PAQR5: variants seen among roughly 807,000 people sequenced by gnomAD.
PAQR5 encodes the protein progestin and adipoQ receptor family member 5.
In PAQR5, 20 loss-of-function variants were observed where a neutral mutation model predicts 34.5. The observed-to-expected ratio is 0.58, with a 90% CI of 0.41 to 0.84. The LOEUF (loss-of-function observed/expected upper bound fraction) is 0.84, where lower values mean the gene tolerates loss of function less well. PAQR5 is among the 40% of genes least tolerant of loss of function. PAQR5 has a pLI of 0.00. For missense variants in PAQR5, 378 were observed against 412.7 expected (o/e 0.92, Z 0.73); for synonymous variants, 131 against 155.6 (o/e 0.84, Z 1.18).
At chr15:69,356,925 C>G (rs2140826108) in intron 2 of PAQR5, among the ~76,000 whole-genome samples, 1 of 152,224 alleles carries the variant, frequency 6.6e-6, no homozygotes, top group Non-Finnish European at 1.5e-5. Flanking sequence ...ATCCCCAATG[C>G]TGAAGGTGGG....
intron 3 of PAQR5, among the ~76,000 whole-genome samples, chr15:69,372,482 G>A (rs528060068): frequency 7.2e-5 from 11 of 152,180 alleles, no homozygotes; most frequent in South Asian, 2.1e-4. Context: ...GATAGAGGTT[G>A]CAGTGAGCCA....
chr15:69,299,331 G>A (rs950524442), intron 1 of PAQR5, among the ~76,000 whole-genome samples: 2 of 152,216 alleles, frequency 1.3e-5, no homozygotes, highest in African/African-American at 2.4e-5. Context: ...GGCGGTGAGG[G>A]GAGCTGTTGC....
chr15:69,376,937 T>C (rs747588988), intron 3 of PAQR5, among the ~76,000 whole-genome samples: 6 of 152,110 alleles, frequency 3.9e-5, no homozygotes, highest in Admixed American at 1.3e-4. Flanking sequence ...TCCTCTAGCT[T>C]CTGTCCAGCC....
intron 1 of PAQR5, among the ~76,000 whole-genome samples, chr15:69,301,995 T>C (rs1402307998): frequency 1.3e-5 from 2 of 150,150 alleles, no homozygotes; most frequent in African/African-American, 4.9e-5. Context: ...GGTAGGTTTG[T>C]GCATGGGCTT....
Position 69,382,659 on chromosome 15 carries a change from CATAT to C in PAQR5, c.180-1975_180-1972del, listed in dbSNP as rs59064870. ...ACTCTGTCTCAAAAAAAAAAAAAAG[CATAT>C]ATATATATATATATATATATATATA... On this transcript the variant is annotated intron_variant, in intron 4 of 8. Transcript: ENST00000395407. Among the ~76,000 whole-genome samples the C allele has an allele frequency of 4.8e-3, 441 of 91,138 alleles. 4 individuals are homozygous for C. Among genetic ancestry groups the C allele is most frequent in the African/African-American group, 9.1e-3 (185 of 20,376 alleles). The allele number at this position is 91,138 out of a possible 152,430, so 59.8% of individuals were successfully genotyped here.
At chr15:69,391,624 G>T (rs1241169693) in intron 6 of PAQR5, 1 of 455,978 alleles carries the variant, frequency 2.2e-6, no homozygotes, top group East Asian at 7.0e-5. Flanking sequence ...CCTGGTCCTT[G>T]GACCAGTCAC....
intron 2 of PAQR5, among the ~76,000 whole-genome samples, chr15:69,350,243 C>T (rs2054880559): frequency 6.6e-6 from 1 of 152,212 alleles, no homozygotes; most frequent in Non-Finnish European, 1.5e-5. Flanking sequence ...TCGTGCAGAT[C>T]TATGGCATTG....
intron 6 of PAQR5, chr15:69,391,758 G>T (rs1345931014): frequency 2.2e-6 from 1 of 451,244 alleles, no homozygotes; most frequent in Non-Finnish European, 4.5e-6. Context: ...GAGTGTGGAA[G>T]AAAGTCTCCA....
rs916040969 is a variant in PAQR5 at position 69,314,207 on chromosome 15, G to GA, written c.-277+15162dup. 6.2e-3 allele frequency among the ~76,000 whole-genome samples: 900 copies of GA among 145,720 alleles called. 15 individuals carry two copies. The highest frequency in any genetic ancestry group is 0.021 in the African/African-American group (826 of 39,846). ...AATCATTTTTTACAAATTGTAAGTG[G>GA]AAAAAAAAAAAGGAAATTGTGTGCA... On this transcript the variant is annotated intron_variant, in intron 1 of 8. Transcript: ENST00000395407.
Position 69,399,421 on chromosome 15 carries a change from C to T in PAQR5, c.610-553C>T, listed in dbSNP as rs115922457. Among the ~76,000 whole-genome samples the T allele has an allele frequency of 7.6e-3, 1,155 of 152,310 alleles. 21 individuals carry two copies. The highest frequency in any genetic ancestry group is 0.026 in the African/African-American group (1,077 of 41,558). ...ATTGTAAGAATACAATATATAATAC[C>T]TACACAAAATATGTGTTACTTGGCA... On this transcript the variant is annotated intron_variant, in intron 7 of 8. Coordinates refer to ENST00000395407, the MANE Select transcript of PAQR5 (RefSeq NM_017705.4).
intron 2 of PAQR5, among the ~76,000 whole-genome samples, chr15:69,355,345 TTTCTTTCTTTCTTTC>T (rs2055043632): frequency 4.2e-5 from 1 of 23,904 alleles, no homozygotes; most frequent in African/African-American, 1.3e-4. Flanking sequence ...TCTTTCTTTT[TTTCTTTCTTTCTTTC>T]TTTCTTTCTT....
At position 69,371,744 on chromosome 15, in the gene PAQR5, T is replaced by A. The variant is rs138104107; in HGVS notation, c.52-8139T>A. 5.0e-3 allele frequency among the ~76,000 whole-genome samples: 755 copies of A among 152,320 alleles called. 7 individuals are homozygous for A. Among genetic ancestry groups the A allele is most frequent in the African/African-American group, 0.018 (732 of 41,578 alleles). On this transcript the variant is annotated intron_variant, in intron 3 of 8. Coordinates refer to ENST00000395407, the MANE Select transcript of PAQR5 (RefSeq NM_017705.4). ...CGACTCCTTTGGTTTAGAAAAGTCCTATACATATTTAAAATAATAAATACG... is the reference window on the plus strand; with the variant it reads ...CGACTCCTTTGGTTTAGAAAAGTCCAATACATATTTAAAATAATAAATACG...
chr15:69,342,542 T>C (rs1408437323), intron 2 of PAQR5, among the ~76,000 whole-genome samples: 1 of 152,208 alleles, frequency 6.6e-6, no homozygotes, highest in Non-Finnish European at 1.5e-5. Flanking sequence ...TTTGATCACA[T>C]GTTTTAAGGT....
Position 69,376,219 on chromosome 15 carries a change from C to A in PAQR5, c.52-3664C>A, listed in dbSNP as rs191491055. Reference sequence around the variant, plus strand: ...TTCTGCTGTGCAAATAAGCAGGCACCTGCTTACTTGGGGGTGCTTAGAAAT... The same window carrying A: ...TTCTGCTGTGCAAATAAGCAGGCACATGCTTACTTGGGGGTGCTTAGAAAT... On this transcript the variant is annotated intron_variant, in intron 3 of 8. Transcript: ENST00000395407. Among the ~76,000 whole-genome samples, 267 of 152,314 alleles carry A rather than the reference C, an allele frequency of 1.8e-3. 5 individuals are homozygous for A. Among genetic ancestry groups the A allele is most frequent in the Non-Finnish European group, 6.2e-4 (42 of 68,016 alleles).
intron 6 of PAQR5, among the ~76,000 whole-genome samples, chr15:69,393,402 AT>A (rs1328414911): frequency 6.6e-6 from 1 of 152,150 alleles, no homozygotes; most frequent in Non-Finnish European, 1.5e-5. Context: ...GGAGGCCTGA[AT>A]TTCAACCCTG....
At chr15:69,317,801 G>A (rs2053990504) in intron 1 of PAQR5, among the ~76,000 whole-genome samples, 1 of 152,000 alleles carries the variant, frequency 6.6e-6, no homozygotes, top group Admixed American at 6.6e-5. Flanking sequence ...TCCCCATGCT[G>A]TGCTCCCACC....
intron 7 of PAQR5, 31 bp downstream of exon 7, chr15:69,397,595 G>A (rs746682612): frequency 2.9e-6 from 4 of 1,368,934 alleles, no homozygotes; most frequent in Non-Finnish European, 4.2e-6. Flanking sequence ...CTCTCTGCCT[G>A]TTGGCAACAC....
chr15:69,376,165 G>A (rs1376146579), intron 3 of PAQR5, among the ~76,000 whole-genome samples: 4 of 152,184 alleles, frequency 2.6e-5, no homozygotes, highest in Non-Finnish European at 2.9e-5. Context: ...CCTGCAACTA[G>A]GGGTGCAAGG....
chr15:69,395,616 G>A (rs2056401707), intron 6 of PAQR5, among the ~76,000 whole-genome samples: 1 of 152,178 alleles, frequency 6.6e-6, no homozygotes, highest in Non-Finnish European at 1.5e-5. Context: ...TTGTCCCTGT[G>A]TTACACATGA....
Sources: gnomAD v4.1 joint callset for allele counts (sites outside exome capture counted in the v4.1 genomes callset) on GRCh38, gnomAD v4.1.1 for gene constraint, MANE v1.5 for transcripts, NCBI Gene and HGNC (gene_info 2026-07-23, HGNC 2026-07-21) for gene names.